Variants in GTF3C2 observed in about 807,000 individuals in gnomAD.
GTF3C2 encodes the protein general transcription factor IIIC subunit 2, also known as general transcription factor 3C polypeptide 2.
A neutral mutation model predicts 117.4 loss-of-function variants in GTF3C2; 17 were observed. That is an observed-to-expected ratio of 0.14 (90% CI 0.10 to 0.22). The LOEUF is 0.22. Among genes scored for constraint, GTF3C2 ranks in the 10% least tolerant of loss-of-function variants. The probability of loss-of-function intolerance (pLI) is 1.00; values close to 1 mark genes in which losing one functional copy is unlikely to be tolerated. For missense variants in GTF3C2, 888 were observed against 1,143.6 expected, an observed-to-expected ratio of 0.78 and a Z score of 3.22; for synonymous variants, 437 against 427.0, an observed-to-expected ratio of 1.02 and a Z score of -0.29.
At chr2:27,335,023 C>T (rs1017320913) in intron 10 of GTF3C2, among the ~76,000 whole-genome samples, 8 of 152,330 alleles carry the variant, frequency 5.3e-5, no homozygotes, top group African/African-American at 1.9e-4. Context: ...TCAACCCACT[C>T]CACCAGACCA....
rs556571385 is a variant in GTF3C2, at chr2:27,328,832, AG to A, written c.2127+11del. On this transcript the variant is annotated intron_variant, in intron 15 of 18. Transcript: ENST00000264720. ...CTTTGTAATGAAGACTGCAAAAGAA[AG>A]GGGGGCTCACCCAAACGGTGCCTTT... 4 of 1,597,686 alleles carry A rather than the reference AG, an allele frequency of 2.5e-6. No homozygotes were observed. Among genetic ancestry groups the A allele is most frequent in the South Asian group, 1.1e-5 (1 of 90,608 alleles).
chr2:27,342,319 A>T (rs947850574), intron 3 of GTF3C2, 86 bp from the exon 4 acceptor site: 3 of 1,081,436 alleles, frequency 2.8e-6, no homozygotes, highest in Non-Finnish European at 4.0e-6. Context: ...ATCTCAATGG[A>T]GCCTCCCAAT....
In GTF3C2 at chr2:27,356,592, A is replaced by G. The variant is rs115536077; in HGVS notation, c.-25+147T>C. The stretch of plus-strand genomic sequence containing the variant: ...GGTGCGGAGCATGATGGTGCTCTGT[A>G]GGAGCGCAGACGCTGAAAGGCGCGC... On this transcript the variant is annotated intron_variant, in intron 1 of 18. Transcript: ENST00000264720. 501 of 164,820 alleles carry G rather than the reference A, an allele frequency of 3.0e-3. 2 individuals carry two copies. The highest frequency in any genetic ancestry group is 0.011 in the African/African-American group (477 of 42,182). The allele number at this position is 164,820 out of a possible 1,614,324, so 10.2% of individuals were successfully genotyped here.
At position 27,329,345 on chromosome 2, in the gene GTF3C2, C is replaced by T; in HGVS notation, c.1877+34G>A. The T allele has an allele frequency of 6.2e-7, 1 of 1,613,936 alleles. No individual in the cohort carries two copies. The highest frequency in any genetic ancestry group is 8.5e-7 in the Non-Finnish European group (1 of 1,179,804). On this transcript the variant is annotated intron_variant, in intron 13 of 18. Transcript: ENST00000264720. The surrounding 1 kb of genome is among the most constrained non-coding windows in gnomAD (Gnocchi z 4.5). ...CCGGAAGTCAGCCTGTCCCAGTCTT[C>T]ACCTTCCCCCTCCACATACCTCCTA...
In GTF3C2 at chr2:27,329,651, G is replaced by A. The variant is rs66505571; in HGVS notation, c.1733-128C>T. On this transcript the variant is annotated intron_variant, in intron 12 of 18. Transcript: ENST00000264720. This position sits in a 1 kb window ranked among gnomAD's most constrained non-coding sequence, Gnocchi z 4.5. ...TCCAAACCACTATGAAAGGATGTGGGGATCCTGATTAGCTATCCAACACTC... is the reference window on the plus strand; with the variant it reads ...TCCAAACCACTATGAAAGGATGTGGAGATCCTGATTAGCTATCCAACACTC... The A allele has an allele frequency of 7.5e-4, 627 of 833,878 alleles. No homozygotes were observed. In the African/African-American group the frequency reaches 9.8e-3, roughly 13 times the overall value. The allele number at this position is 833,878 out of a possible 1,614,324, so 51.7% of individuals were successfully genotyped here. A position where few individuals can be genotyped will look rare whatever the true frequency, so the allele number is the denominator to read the frequency against.
chr2:27,336,825 G>T, intron 7 of GTF3C2: 1 of 215,906 alleles, frequency 4.6e-6, no homozygotes, highest in Non-Finnish European at 9.3e-6. Flanking sequence ...TCCTAGGCTG[G>T]TCTTGAACTC....
At position 27,333,798 on chromosome 2, in the gene GTF3C2, A is replaced by AGAGATGG; in HGVS notation, c.1603-21_1603-15dup. 3 of 1,601,264 alleles carry AGAGATGG rather than the reference A, an allele frequency of 1.9e-6. No individual in the cohort carries two copies. The South Asian group carries it at 3.3e-5, about 18-fold the overall frequency. ...CACACATTGTACCTGCAGGGAAAGA[A>AGAGATGG]GAGATGGGACTAGGGTTAGGGACAC... On this transcript the variant is annotated splice_polypyrimidine_tract_variant and intron_variant, in intron 11 of 18. Transcript: ENST00000264720.
At chr2:27,338,451 C>T (rs561339474) in intron 4 of GTF3C2, among the ~76,000 whole-genome samples, 58 of 56,800 alleles carry the variant, frequency 1.0e-3, no homozygotes, top group Middle Eastern at 0.016. Flanking sequence ...GGCGCGCACG[C>T]GCACGCGCGC....
chr2:27,341,928 T>G lies in GTF3C2; in HGVS notation c.855+20A>C. 1 of 1,605,488 alleles carries G rather than the reference T, an allele frequency of 6.2e-7. No homozygotes were observed. The highest frequency in any genetic ancestry group is 8.5e-7 in the Non-Finnish European group (1 of 1,173,054). On this transcript the variant is annotated intron_variant, in intron 4 of 18. Transcript: ENST00000264720. ...AAATCCTACTATGTCCCCATTCACT[T>G]TCTTGTCCATTGAGGTTACCCCTGA... is the stretch of plus-strand genomic sequence containing the variant.
intron 7 of GTF3C2, chr2:27,336,675 G>A (rs1289904100): frequency 3.9e-5 from 17 of 439,840 alleles, no homozygotes; most frequent in East Asian, 8.5e-5. Flanking sequence ...TGGCATGATC[G>A]ACGGTTCACT....
At chr2:27,334,343 T>TA (rs1328031452) in intron 10 of GTF3C2, among the ~76,000 whole-genome samples, 2 of 152,154 alleles carry the variant, frequency 1.3e-5, no homozygotes, top group Non-Finnish European at 2.9e-5. Context: ...AACCTACCTC[T>TA]ATCTGTTCCC....
chr2:27,349,613 G>A (rs992826583), intron 1 of GTF3C2, among the ~76,000 whole-genome samples: 1 of 151,052 alleles, frequency 6.6e-6, no homozygotes, highest in African/African-American at 2.4e-5. Context: ...AATTTAGGGG[G>A]AAAACATTAA....
At chr2:27,341,899 C>G in intron 4 of GTF3C2, 49 bp downstream of exon 4, 2 of 1,491,930 alleles carry the variant, frequency 1.3e-6, no homozygotes. Context: ...TTGCTGGTCC[C>G]CTAAAATCCT....
intron 12 of GTF3C2, among the ~76,000 whole-genome samples, chr2:27,332,702 C>A (rs1388278131): frequency 6.6e-6 from 1 of 151,824 alleles, no homozygotes; most frequent in African/African-American, 2.4e-5. Context: ...GCGTGAGCCA[C>A]CGTGCCCGGC....
At chr2:27,326,229 A>C in exon 19 of GTF3C2, 1 of 472,958 alleles carries the variant, frequency 2.1e-6, no homozygotes. Context: ...CTAAAGAGGA[A>C]GTTTCAGAAG....
At chr2:27,347,331 C>G (rs759639026) in intron 1 of GTF3C2, among the ~76,000 whole-genome samples, 1 of 152,152 alleles carries the variant, frequency 6.6e-6, no homozygotes, top group Non-Finnish European at 1.5e-5. Flanking sequence ...AAAATAAAAG[C>G]TTCCAACTGT....
chr2:27,339,422 A>G (rs1006421645), intron 4 of GTF3C2, among the ~76,000 whole-genome samples: 3 of 151,256 alleles, frequency 2.0e-5, no homozygotes, highest in Non-Finnish European at 3.0e-5. Context: ...AAAAAAAAAA[A>G]AAAAAGAAAA....
At chr2:27,347,248 T>A (rs1287127240) in intron 1 of GTF3C2, among the ~76,000 whole-genome samples, 1 of 152,156 alleles carries the variant, frequency 6.6e-6, no homozygotes, top group African/African-American at 2.4e-5. Flanking sequence ...CAGATCTATA[T>A]ATACGCCTTA....
chr2:27,334,624 C>G (rs1241228594), intron 10 of GTF3C2, among the ~76,000 whole-genome samples: 1 of 151,932 alleles, frequency 6.6e-6, no homozygotes, highest in Non-Finnish European at 1.5e-5. Flanking sequence ...CCCTCAATTA[C>G]TGGTTCCCCT....
Sources: gnomAD v4.1 joint callset for allele counts (sites outside exome capture counted in the v4.1 genomes callset) on GRCh38, gnomAD v4.1.1 for gene constraint, Gnocchi (gnomAD v3.1) non-coding constraint, MANE v1.5 for transcripts, NCBI Gene and HGNC (gene_info 2026-07-23, HGNC 2026-07-21) for gene names.